FIRRM: variants seen among roughly 807,000 people sequenced by gnomAD.
The protein encoded by FIRRM is FIGNL1-interacting regulator of recombination and mitosis.
chr1:169,798,870 AATGAAT>A, the FIRRM span: 6 of 1,123,468 alleles, frequency 5.3e-6, no homozygotes, highest in Non-Finnish European at 6.0e-6. Context: ...TGTTCTGAGT[AATGAAT>A]ACCCTATTAC....
chr1:169,811,698 TATCTAAATA>T, the FIRRM span, among the ~76,000 whole-genome samples: 2 of 113,668 alleles, frequency 1.8e-5, no homozygotes, highest in Non-Finnish European at 3.8e-5. Flanking sequence ...ATAGACAGAT[TATCTAAATA>T]GATAATAGAC....
the FIRRM span, chr1:169,792,636 T>C: frequency 4.4e-6 from 7 of 1,603,300 alleles, no homozygotes; most frequent in Non-Finnish European, 5.9e-6. Context: ...TCATCAATTA[T>C]TTTGAGTATT....
At chr1:169,815,149 A>G in the FIRRM span, among the ~76,000 whole-genome samples, 1 of 151,946 alleles carries the variant, frequency 6.6e-6, no homozygotes, top group East Asian at 1.9e-4. Flanking sequence ...TACAAAAATT[A>G]GCTGGGCACA....
chr1:169,841,078 CT>C, the FIRRM span, among the ~76,000 whole-genome samples: 1 of 152,126 alleles, frequency 6.6e-6, no homozygotes, highest in African/African-American at 2.4e-5. Flanking sequence ...ACGACGTTGG[CT>C]GTGAGTTTGT....
the FIRRM span, chr1:169,821,899 C>T: frequency 4.0e-6 from 2 of 503,458 alleles, no homozygotes; most frequent in South Asian, 7.7e-5. Flanking sequence ...ACCGGTAAGG[C>T]TGGGATTTAA....
At chr1:169,837,678 G>C in the FIRRM span, among the ~76,000 whole-genome samples, 1 of 152,122 alleles carries the variant, frequency 6.6e-6, no homozygotes, top group East Asian at 1.9e-4. Flanking sequence ...GTGCCACTTT[G>C]TTCTAGGCAT....
chr1:169,791,488 A>C, the FIRRM span, among the ~76,000 whole-genome samples: 6 of 152,114 alleles, frequency 3.9e-5, no homozygotes, highest in Non-Finnish European at 7.4e-5. Flanking sequence ...AAAGAGTGTA[A>C]AGATTTTAAA....
At chr1:169,802,059 G>A in the FIRRM span, among the ~76,000 whole-genome samples, 17 of 152,150 alleles carry the variant, frequency 1.1e-4, no homozygotes, top group African/African-American at 4.1e-4. Flanking sequence ...CATTTAAATT[G>A]TTAGAAAGAT....
the FIRRM span, among the ~76,000 whole-genome samples, chr1:169,808,417 G>T: frequency 2.0e-5 from 3 of 151,734 alleles, no homozygotes; most frequent in African/African-American, 7.3e-5. Flanking sequence ...GTGTTGAATT[G>T]GTATCCCATT....
the FIRRM span, among the ~76,000 whole-genome samples, chr1:169,799,611 G>T: frequency 8.5e-5 from 13 of 152,136 alleles, no homozygotes; most frequent in African/African-American, 3.1e-4. Flanking sequence ...GAGTGCAGTG[G>T]CGTGATCTTT....
At chr1:169,801,978 C>T in the FIRRM span, among the ~76,000 whole-genome samples, 1 of 152,090 alleles carries the variant, frequency 6.6e-6, no homozygotes, top group Non-Finnish European at 1.5e-5. Context: ...GTTAACAGGC[C>T]TATGGGAAAC....
chr1:169,845,208 G>A, the FIRRM span, among the ~76,000 whole-genome samples: 1 of 152,154 alleles, frequency 6.6e-6, no homozygotes, highest in Non-Finnish European at 1.5e-5. Flanking sequence ...ACACTATACT[G>A]TAGGTTGTGT....
At chr1:169,786,256 C>T in the FIRRM span, among the ~76,000 whole-genome samples, 3 of 152,080 alleles carry the variant, frequency 2.0e-5, no homozygotes, top group East Asian at 3.8e-4. Context: ...ATATTCAAAA[C>T]GTCTGACCAC....
At chr1:169,788,065 A>G in the FIRRM span, among the ~76,000 whole-genome samples, 1 of 152,200 alleles carries the variant, frequency 6.6e-6, no homozygotes, top group Admixed American at 6.5e-5. Flanking sequence ...TGGAGGAAGG[A>G]GCATCTTTAT....
the FIRRM span, chr1:169,851,908 TAGA>T: frequency 6.2e-7 from 1 of 1,614,064 alleles, no homozygotes; most frequent in Non-Finnish European, 8.5e-7. Context: ...AATGTGACTG[TAGA>T]AGAAGCAAAG....
chr1:169,852,774 T>TATG, the FIRRM span: 26 of 1,612,290 alleles, frequency 1.6e-5, no homozygotes, highest in East Asian at 8.9e-5. Flanking sequence ...TGATATTACT[T>TATG]ATGTTTTTTT....
chr1:169,816,879 T>C, the FIRRM span, among the ~76,000 whole-genome samples: 1 of 152,222 alleles, frequency 6.6e-6, no homozygotes. Context: ...TTGTGTCCTG[T>C]TGCAAAAGAA....
chr1:169,825,706 A>T, the FIRRM span, among the ~76,000 whole-genome samples: 3 of 152,216 alleles, frequency 2.0e-5, no homozygotes, highest in Non-Finnish European at 4.4e-5. Context: ...AGTCTCAGGG[A>T]GGGCAAATGA....
At chr1:169,790,107 C>A in the FIRRM span, among the ~76,000 whole-genome samples, 1 of 152,102 alleles carries the variant, frequency 6.6e-6, no homozygotes, top group African/African-American at 2.4e-5. Context: ...TGTCTCAAGT[C>A]CCTTTTGCTG....
Sources: gnomAD v4.1 joint callset for allele counts (sites outside exome capture counted in the v4.1 genomes callset) on GRCh38, gnomAD v4.1.1 for gene constraint, MANE v1.5 for transcripts, NCBI Gene and HGNC (gene_info 2026-07-23, HGNC 2026-07-21) for gene names.